Variants in SORBS2 observed in about 807,000 individuals in gnomAD.
The protein encoded by SORBS2 is sorbin and SH3 domain-containing protein 2.
A neutral mutation model predicts 97.7 loss-of-function variants in SORBS2; 46 were observed. The observed-to-expected ratio is 0.47, with a 90% CI of 0.37 to 0.60. The LOEUF is 0.60. SORBS2 is among the 20% of genes least tolerant of loss of function. The pLI is 0.00. For synonymous variants in SORBS2, 476 were observed against 473.4 expected (o/e 1.01, Z -0.07); for missense variants, 1,316 against 1,282.3 (o/e 1.03, Z -0.40).
At chr4:185,754,319 T>C (rs763199733) in intron 2 of SORBS2, among the ~76,000 whole-genome samples, 4 of 151,802 alleles carry the variant, frequency 2.6e-5, no homozygotes, top group African/African-American at 4.8e-5. Flanking sequence ...TGGGAGGAGG[T>C]GAGGGTTGAA....
intron 1 of SORBS2, among the ~76,000 whole-genome samples, chr4:185,820,729 G>C (rs1268289709): frequency 1.3e-5 from 2 of 152,196 alleles, no homozygotes; most frequent in Non-Finnish European, 2.9e-5. Context: ...AGTCCTGGCA[G>C]TCCCGGGACT....
intron 2 of SORBS2, among the ~76,000 whole-genome samples, chr4:185,730,183 A>G (rs1481245410): frequency 6.6e-6 from 1 of 152,140 alleles, no homozygotes; most frequent in African/African-American, 2.4e-5. Context: ...CGATCTGTGA[A>G]GTTTACATTT....
chr4:185,809,080 G>A (rs765801065), intron 1 of SORBS2, among the ~76,000 whole-genome samples: 1 of 152,012 alleles, frequency 6.6e-6, no homozygotes, highest in Non-Finnish European at 1.5e-5. Context: ...CCTCATTGTT[G>A]TTTTTCAAAT....
exon 15 of SORBS2, chr4:185,585,991 T>G (rs1204152944): frequency 1.3e-5 from 2 of 152,644 alleles, no homozygotes; most frequent in African/African-American, 4.8e-5. Flanking sequence ...GCTTGTGATC[T>G]GTGAGATAAG....
At chr4:185,710,198 A>G (rs2098405924) in intron 2 of SORBS2, among the ~76,000 whole-genome samples, 1 of 151,960 alleles carries the variant, frequency 6.6e-6, no homozygotes, top group Admixed American at 6.6e-5. Context: ...CCAAGACTGA[A>G]GATCCCCAGT....
intron 12 of SORBS2, among the ~76,000 whole-genome samples, chr4:185,609,110 A>T (rs753442357): frequency 6.6e-6 from 1 of 152,034 alleles, no homozygotes; most frequent in African/African-American, 2.4e-5. Context: ...ACACACAGTG[A>T]GACTGCACGT....
chr4:185,939,123 C>T (rs1000542958), intron 1 of SORBS2, among the ~76,000 whole-genome samples: 2 of 152,162 alleles, frequency 1.3e-5, no homozygotes, highest in African/African-American at 4.8e-5. Flanking sequence ...TTGCTATATA[C>T]TTTAAGAAAA....
chr4:185,612,314 G>C (rs1002844289), intron 11 of SORBS2, among the ~76,000 whole-genome samples: 2 of 152,086 alleles, frequency 1.3e-5, no homozygotes, highest in South Asian at 2.1e-4. Flanking sequence ...AAAAGGTAAT[G>C]TCTCAATGAC....
chr4:185,643,558 G>A (rs561757991), intron 4 of SORBS2, among the ~76,000 whole-genome samples: 1 of 152,292 alleles, frequency 6.6e-6, no homozygotes, highest in Admixed American at 6.5e-5. Context: ...GTAGGGAAAT[G>A]AATCAGGTGG....
At chr4:185,597,446 T>C (rs1304527660) in intron 12 of SORBS2, among the ~76,000 whole-genome samples, 2 of 152,212 alleles carry the variant, frequency 1.3e-5, no homozygotes, top group Admixed American at 6.5e-5. Context: ...ATGGTTACAA[T>C]TCAACTCCAT....
At chr4:185,787,909 A>G (rs2099063619) in intron 1 of SORBS2, among the ~76,000 whole-genome samples, 1 of 152,212 alleles carries the variant, frequency 6.6e-6, no homozygotes, top group South Asian at 2.1e-4. Context: ...TCCCCTACAC[A>G]TTTTGAAAAT....
At chr4:185,820,934 C>T (rs1004048390) in intron 1 of SORBS2, among the ~76,000 whole-genome samples, 2 of 152,160 alleles carry the variant, frequency 1.3e-5, no homozygotes, top group African/African-American at 4.8e-5. Flanking sequence ...CCACATGGGT[C>T]CCAGGTGAAT....
Position 185,606,867 on chromosome 4 carries a change from C to T in SORBS2, c.2796+4913G>A, listed in dbSNP as rs890042657. Reference sequence around the variant, plus strand: ...CAGGCAAGGAACCCACGCTGGTGCACGCAGAGGCCACAAAATTATCCCCTA... The same window carrying T: ...CAGGCAAGGAACCCACGCTGGTGCATGCAGAGGCCACAAAATTATCCCCTA... On this transcript the variant is annotated intron_variant, in intron 12 of 14. Coordinates refer to ENST00000418609, the Ensembl canonical transcript of SORBS2. The surrounding 1 kb of genome is among the most constrained non-coding windows in gnomAD (Gnocchi z 4.3). 34 of 987,196 alleles carry T rather than the reference C, an allele frequency of 3.4e-5. No homozygotes were observed. Among genetic ancestry groups the T allele is most frequent in the East Asian group, 2.3e-4 (2 of 8,826 alleles). 61.2% of individuals were successfully genotyped at this position (987,196 alleles called of 1,614,324 possible).
intron 9 of SORBS2, 35 bp from the exon 22 acceptor site, chr4:185,615,194 T>C: frequency 8.2e-7 from 1 of 1,225,252 alleles, no homozygotes; most frequent in South Asian, 1.2e-5. Context: ...CTTTTTGTGA[T>C]GTACAGCAAT....
intron 1 of SORBS2, among the ~76,000 whole-genome samples, chr4:185,787,223 G>C (rs903217101): frequency 1.3e-5 from 2 of 152,060 alleles, no homozygotes; most frequent in Non-Finnish European, 2.9e-5. Context: ...AGAATGTACT[G>C]AGTGAATATA....
chr4:185,828,125 C>T (rs552053350), intron 1 of SORBS2, among the ~76,000 whole-genome samples: 1 of 152,242 alleles, frequency 6.6e-6, no homozygotes, highest in South Asian at 2.1e-4. Context: ...GGGGATGTGT[C>T]CTTAGTTATC....
chr4:185,743,862 TC>T (rs1247227992), intron 2 of SORBS2, among the ~76,000 whole-genome samples: 1 of 150,078 alleles, frequency 6.7e-6, no homozygotes, highest in African/African-American at 2.5e-5. Flanking sequence ...CTATTTTCTT[TC>T]CTCCTCCTCC....
intron 2 of SORBS2, among the ~76,000 whole-genome samples, chr4:185,711,665 C>A (rs1458164578): frequency 1.3e-5 from 2 of 152,174 alleles, no homozygotes; most frequent in Admixed American, 6.5e-5. Context: ...AAATTCCCAA[C>A]ATATGTTGGG....
At chr4:185,702,440 C>T (rs1276998603) in intron 2 of SORBS2, among the ~76,000 whole-genome samples, 1 of 152,180 alleles carries the variant, frequency 6.6e-6, no homozygotes, top group South Asian at 2.1e-4. Flanking sequence ...CTCCCTCTGC[C>T]AGGGAGGACA....
Sources: allele counts gnomAD v4.1 joint callset (sites outside exome capture counted in the v4.1 genomes callset), GRCh38; gene constraint gnomAD v4.1.1; non-coding constraint Gnocchi (gnomAD v3.1); transcripts MANE v1.5; gene names NCBI Gene and HGNC (gene_info 2026-07-23, HGNC 2026-07-21).